RGS7BP: variants seen among roughly 807,000 people sequenced by gnomAD.
RGS7BP encodes the protein regulator of G protein signaling 7-binding protein.
In RGS7BP, 9 loss-of-function variants were observed where a neutral mutation model predicts 31.3. The observed-to-expected ratio is 0.29, with a 90% CI of 0.17 to 0.50. RGS7BP has a LOEUF of 0.50. RGS7BP is among the 20% of genes least tolerant of loss of function. The pLI is 0.98. For synonymous variants in RGS7BP, 115 were observed against 120.1 expected (o/e 0.96, Z 0.28); for missense variants, 274 against 322.0 (o/e 0.85, Z 1.14).
chr5:64,528,376 C>T (rs1419015195), intron 2 of RGS7BP, among the ~76,000 whole-genome samples: 2 of 152,092 alleles, frequency 1.3e-5, no homozygotes, highest in Non-Finnish European at 2.9e-5. Context: ...AAATAAGAGA[C>T]ATCAGTGAAA....
chr5:64,520,986 C>T (rs1477510274), intron 2 of RGS7BP, among the ~76,000 whole-genome samples: 2 of 152,208 alleles, frequency 1.3e-5, no homozygotes, highest in African/African-American at 4.8e-5. Context: ...ACTGAAATCC[C>T]TTGTCAATAA....
At chr5:64,556,137 C>T (rs1180343728) in intron 2 of RGS7BP, among the ~76,000 whole-genome samples, 1 of 152,020 alleles carries the variant, frequency 6.6e-6, no homozygotes, top group South Asian at 2.1e-4. Context: ...TACATTGCTT[C>T]ACCTCCTCTT....
At chr5:64,602,306 G>A (rs1010907676) in intron 5 of RGS7BP, among the ~76,000 whole-genome samples, 1 of 152,102 alleles carries the variant, frequency 6.6e-6, no homozygotes, top group South Asian at 2.1e-4. Context: ...AATTATTCTG[G>A]GCAGTTTTAC....
chr5:64,531,824 G>C (rs1368622393), intron 2 of RGS7BP, among the ~76,000 whole-genome samples: 1 of 152,136 alleles, frequency 6.6e-6, no homozygotes, highest in African/African-American at 2.4e-5. Flanking sequence ...AAACAACATA[G>C]GGTATTTAGG....
At chr5:64,535,013 G>A (rs1485813352) in intron 2 of RGS7BP, among the ~76,000 whole-genome samples, 2 of 152,170 alleles carry the variant, frequency 1.3e-5, no homozygotes, top group Non-Finnish European at 1.5e-5. Flanking sequence ...AACTGTCTCA[G>A]ATGGAAGGTG....
chr5:64,542,366 TA>T (rs1471205839), intron 2 of RGS7BP, among the ~76,000 whole-genome samples: 1 of 152,234 alleles, frequency 6.6e-6, no homozygotes, highest in South Asian at 2.1e-4. Context: ...TGCTGTTTTT[TA>T]AAAAATGCCA....
At chr5:64,593,870 C>A (rs1454199853) in intron 3 of RGS7BP, among the ~76,000 whole-genome samples, 2 of 152,100 alleles carry the variant, frequency 1.3e-5, no homozygotes, top group Non-Finnish European at 2.9e-5. Context: ...TACTAGGATA[C>A]CCCCCTATGG....
chr5:64,566,319 T>C (rs1301756807), intron 2 of RGS7BP, among the ~76,000 whole-genome samples: 1 of 152,048 alleles, frequency 6.6e-6, no homozygotes, highest in Non-Finnish European at 1.5e-5. Context: ...AAATGCAGCA[T>C]AGAGTAATTT....
At chr5:64,598,541 G>C (rs1743136536) in intron 5 of RGS7BP, 106 bp downstream of exon 5, 2 of 752,134 alleles carry the variant, frequency 2.7e-6, no homozygotes, top group Admixed American at 2.0e-5. Context: ...ACAGTAGAAG[G>C]CATTGAGCAT....
chr5:64,586,643 T>C (rs1742761783), intron 3 of RGS7BP, among the ~76,000 whole-genome samples: 1 of 152,248 alleles, frequency 6.6e-6, no homozygotes, highest in Non-Finnish European at 1.5e-5. Context: ...TTCTTACCTA[T>C]TGTCCTCTCT....
chr5:64,532,306 T>C (rs951448792), intron 2 of RGS7BP, among the ~76,000 whole-genome samples: 2 of 151,848 alleles, frequency 1.3e-5, no homozygotes, highest in African/African-American at 4.8e-5. Flanking sequence ...TCCTTTTTTT[T>C]TTTTTCCTGG....
chr5:64,538,520 TTTC>T (rs1741436145), intron 2 of RGS7BP, among the ~76,000 whole-genome samples: 1 of 133,764 alleles, frequency 7.5e-6, no homozygotes, highest in African/African-American at 3.0e-5. Context: ...TTTTTTTCCT[TTTC>T]TTTTCTTTTT....
chr5:64,548,087 C>T (rs764129580), intron 2 of RGS7BP, among the ~76,000 whole-genome samples: 6 of 151,722 alleles, frequency 4.0e-5, no homozygotes, highest in East Asian at 1.9e-4. Context: ...AATTATTTAC[C>T]GCAGCAATAT....
intron 2 of RGS7BP, among the ~76,000 whole-genome samples, chr5:64,574,796 C>T (rs907380411): frequency 6.6e-6 from 1 of 152,082 alleles, no homozygotes; most frequent in Non-Finnish European, 1.5e-5. Flanking sequence ...TGCCACTGAC[C>T]CACATTACAA....
chr5:64,514,952 T>C lies in RGS7BP; in HGVS notation c.332+7075T>C, dbSNP rs561099462. On this transcript the variant is annotated intron_variant, in intron 2 of 5. Transcript: ENST00000334025. Reference sequence around the variant, plus strand: ...TTAGCCACTTTATGTTTTGAACAGATTTAATGACTTTCACCTTGTTAGAGT... The same window carrying C: ...TTAGCCACTTTATGTTTTGAACAGACTTAATGACTTTCACCTTGTTAGAGT... Among the ~76,000 whole-genome samples, 77 of 152,352 alleles carry C rather than the reference T, an allele frequency of 5.1e-4. 1 individual carries two copies. The highest frequency in any genetic ancestry group is 3.4e-3 in the Middle Eastern group (1 of 294).
intron 4 of RGS7BP, 49 bp downstream of exon 4, chr5:64,594,906 T>C (rs1561348218): frequency 1.3e-6 from 2 of 1,584,398 alleles, no homozygotes; most frequent in African/African-American, 1.3e-5. Context: ...CTCCCGTTAA[T>C]GTTCTTAGGG....
intron 2 of RGS7BP, among the ~76,000 whole-genome samples, chr5:64,521,777 T>A (rs933469129): frequency 6.6e-6 from 1 of 152,240 alleles, no homozygotes; most frequent in Non-Finnish European, 1.5e-5. Flanking sequence ...TAATAAGCAC[T>A]TAATGTTTCT....
chr5:64,562,776 T>C (rs927477775), intron 2 of RGS7BP, among the ~76,000 whole-genome samples: 2 of 152,106 alleles, frequency 1.3e-5, no homozygotes, highest in Non-Finnish European at 2.9e-5. Context: ...CCAGGTGAGC[T>C]GGTGGGTGAG....
chr5:64,587,080 T>TGA lies in RGS7BP; in HGVS notation c.464-7629_464-7628insAG, dbSNP rs1742776606. On this transcript the variant is annotated intron_variant, in intron 3 of 5. Transcript: ENST00000334025. ...CTTTCCATTCTCTGCATTCATCAAA[T>TGA]GGTCAGGGGGAAAACAAGGAAAACC... 2.6e-5 allele frequency among the ~76,000 whole-genome samples: 4 copies of TGA among 152,000 alleles called. No homozygotes were observed. The South Asian group carries it at 6.2e-4, about 24-fold the overall frequency.
Sources: allele counts gnomAD v4.1 joint callset (sites outside exome capture counted in the v4.1 genomes callset), GRCh38; gene constraint gnomAD v4.1.1; transcripts MANE v1.5; gene names NCBI Gene and HGNC (gene_info 2026-07-23, HGNC 2026-07-21).